The following MTR variants were observed in gnomAD, a reference collection of about 807,000 sequenced individuals.
The protein encoded by MTR is methionine synthase.
Under a neutral mutation model 154.8 loss-of-function variants are expected in MTR, and 84 were observed. The observed-to-expected ratio is 0.54, with a 90% CI of 0.45 to 0.65. The LOEUF (loss-of-function observed/expected upper bound fraction) is 0.65, where lower values mean the gene tolerates loss of function less well. Ranked by LOEUF, MTR falls within the 30% of genes least tolerant of loss-of-function variation. The pLI is 0.00. For synonymous variants in MTR, 554 were observed against 553.9 expected, an observed-to-expected ratio of 1.00 and a Z score of 0.00; for missense variants, 1,275 against 1,570.2, an observed-to-expected ratio of 0.81 and a Z score of 3.18.
At chr1:236,882,446 A>G (rs1314205640) in intron 25 of MTR, among the ~76,000 whole-genome samples, 1 of 149,078 alleles carries the variant, frequency 6.7e-6, no homozygotes, top group Non-Finnish European at 1.5e-5. Flanking sequence ...GCTGAGGTGC[A>G]GTGGCTCGAT....
chr1:236,875,290 T>C (rs908051807), intron 24 of MTR, among the ~76,000 whole-genome samples: 1 of 152,154 alleles, frequency 6.6e-6, no homozygotes, highest in Admixed American at 6.5e-5. Flanking sequence ...CTTGTAGTAG[T>C]TTGGAGACAG....
chr1:236,819,893 C>T (rs916177305), intron 8 of MTR: 25 of 892,592 alleles, frequency 2.8e-5, no homozygotes, highest in Admixed American at 3.4e-5. Flanking sequence ...GCCAGAGGGC[C>T]GTGCTGAAGT....
intron 8 of MTR, among the ~76,000 whole-genome samples, chr1:236,823,796 CTTTTTTTTTTTTTTTTTTTTTTTT>C (rs59710180): frequency 6.5e-4 from 12 of 18,438 alleles, no homozygotes; most frequent in Admixed American, 6.8e-4. Context: ...CAGGTCAGAT[CTTTTTTTTTTTTTTTTTTTTTTTT>C]TTTTTTTTTA....
chr1:236,897,176 T>C, intron 32 of MTR, 58 bp downstream of exon 32: 1 of 1,254,684 alleles, frequency 8.0e-7, no homozygotes, highest in Non-Finnish European at 1.2e-6. Flanking sequence ...TTCTAGAACC[T>C]CTCTCATTTT....
intron 24 of MTR, among the ~76,000 whole-genome samples, chr1:236,875,741 GA>G (rs1665395738): frequency 2.0e-5 from 3 of 152,172 alleles, no homozygotes; most frequent in Non-Finnish European, 4.4e-5. Context: ...GTATGCAAAA[GA>G]AAAGTGTTCC....
chr1:236,825,961 A>G lies in MTR; in HGVS notation c.927+562A>G, dbSNP rs546099559. On this transcript the variant is annotated intron_variant, in intron 10 of 32. Transcript: ENST00000366577. Reference sequence around the variant, plus strand: ...CTGACTTACTTCTTATGATTTCATTATCTTTGTAGACAATCTTTCCAATAC... The same window carrying G: ...CTGACTTACTTCTTATGATTTCATTGTCTTTGTAGACAATCTTTCCAATAC... Among the ~76,000 whole-genome samples, 94 of 152,202 alleles carry G rather than the reference A, an allele frequency of 6.2e-4. No homozygotes were observed. In the East Asian group the frequency reaches 6.2e-3, roughly 10 times the overall value.
At chr1:236,881,170 T>C (rs879616272) in intron 25 of MTR, among the ~76,000 whole-genome samples, 3 of 152,168 alleles carry the variant, frequency 2.0e-5, no homozygotes, top group Non-Finnish European at 1.5e-5. Context: ...AAAAGGAATG[T>C]TGGATTTTTA....
At chr1:236,856,996 G>T (rs1359114765) in intron 18 of MTR, among the ~76,000 whole-genome samples, 1 of 152,158 alleles carries the variant, frequency 6.6e-6, no homozygotes, top group Non-Finnish European at 1.5e-5. Context: ...AAACATACGT[G>T]TATGTATCTT....
intron 15 of MTR, among the ~76,000 whole-genome samples, chr1:236,847,089 G>A (rs1053639886): frequency 6.6e-6 from 1 of 152,028 alleles, no homozygotes; most frequent in African/African-American, 2.4e-5. Flanking sequence ...TTTTCACCAT[G>A]TTGGCCAGGC....
chr1:236,877,894 G>A (rs918110335), intron 24 of MTR, among the ~76,000 whole-genome samples: 3 of 152,198 alleles, frequency 2.0e-5, no homozygotes, highest in African/African-American at 7.2e-5. Flanking sequence ...GGTATCCCTT[G>A]TCATGGGTGT....
At position 236,835,659 on chromosome 1, in the gene MTR, T is replaced by C; in HGVS notation, c.1301T>C (p.Leu434Ser). The change falls in exon 14 of 33, where the codon TTA becomes TCA. Residue 434 changes from leucine to serine, a missense_variant. Coordinates refer to ENST00000366577, the MANE Select transcript of MTR (RefSeq NM_000254.3). ...AGTGCAATGACCAGATTTTGCAACT[T>C]AATTGCTTCCGAGCCAGACATCGCA... Reference protein sequence around the residue: ...GPSAMTRFCNLIASEPDIAKV... With the variant: ...GPSAMTRFCNSIASEPDIAKV... The C allele has an allele frequency of 1.9e-6, 3 of 1,612,118 alleles. No homozygotes were observed. Among genetic ancestry groups the C allele is most frequent in the Non-Finnish European group, 2.5e-6 (3 of 1,179,678 alleles).
rs1666881380 is a variant in MTR at position 236,900,673 on chromosome 1, C to G, written c.*3029C>G. Reference sequence around the variant, plus strand: ...GCAAAGTGGAATGATAACCTAAAATCTGGTATGGTGATTTTGTAGGTAATG... The same window carrying G: ...GCAAAGTGGAATGATAACCTAAAATGTGGTATGGTGATTTTGTAGGTAATG... On this transcript the variant is annotated 3_prime_UTR_variant, in exon 33 of 33. Coordinates refer to ENST00000366577, the MANE Select transcript of MTR (RefSeq NM_000254.3). The G allele has an allele frequency of 6.6e-6, 1 of 152,104 alleles. No homozygotes were observed. 9.4% of individuals were successfully genotyped at this position (152,104 alleles called of 1,614,324 possible). A position where few individuals can be genotyped will look rare whatever the true frequency, so the allele number is the denominator to read the frequency against.
Position 236,795,650 on chromosome 1 carries a change from T to G in MTR, c.-54T>G. 1 of 1,612,282 alleles carries G rather than the reference T, an allele frequency of 6.2e-7. No individual in the cohort carries two copies. The highest frequency in any genetic ancestry group is 1.1e-5 in the South Asian group (1 of 91,056). ...CGTGGCCCTTGGCCGTCGTCACCTG[T>G]GGAGAGCACGTCTTCTCTGCCGCGC... On this transcript the variant is annotated 5_prime_UTR_variant, in exon 1 of 33. Coordinates refer to ENST00000366577, the MANE Select transcript of MTR (RefSeq NM_000254.3).
chr1:236,816,348 A>C (rs909621132), intron 7 of MTR, 101 bp from the exon 8 acceptor site: 1 of 1,024,572 alleles, frequency 9.8e-7, no homozygotes, highest in African/African-American at 1.6e-5. Flanking sequence ...TTTTCCTTGT[A>C]AAAGAGCAAA....
intron 1 of MTR, 26 bp downstream of exon 1, chr1:236,795,763 G>T (rs1281796756): frequency 6.2e-7 from 1 of 1,613,954 alleles, no homozygotes; most frequent in Non-Finnish European, 8.5e-7. Flanking sequence ...CGTCTGCGTG[G>T]TTGGGTTGTG....
intron 30 of MTR, 180 bp downstream of exon 30, chr1:236,894,737 C>T (rs1227322556): frequency 9.3e-6 from 6 of 645,134 alleles, no homozygotes; most frequent in Non-Finnish European, 1.6e-5. Context: ...CCCCAGATTG[C>T]TTGTGTACAT....
rs142648132 is a variant in MTR, at chr1:236,816,521, G to T, written c.742G>T (p.Val248Leu). ...GQTGEGFVIS[V>L]SHGEPLCIGL... ...GACAGGAGAGGGATTTGTCATCAGCGTGTCTCATGGAGAACCACTCTGGTG... is the reference window on the plus strand; with the variant it reads ...GACAGGAGAGGGATTTGTCATCAGCTTGTCTCATGGAGAACCACTCTGGTG... Residue 248 changes from valine to leucine, a missense_variant, in exon 8 of 33, where the codon GTG becomes TTG. Val to Leu is a conservative substitution (Grantham distance 32, BLOSUM62 1). Coordinates refer to ENST00000366577, the MANE Select transcript of MTR (RefSeq NM_000254.3). 6 of 1,613,942 alleles carry T rather than the reference G, an allele frequency of 3.7e-6. No homozygotes were observed. In the African/African-American group the frequency reaches 5.3e-5, roughly 14 times the overall value.
intron 6 of MTR, 145 bp downstream of exon 6, chr1:236,812,989 T>C (rs1661389612): frequency 1.4e-6 from 1 of 723,258 alleles, no homozygotes; most frequent in Non-Finnish European, 2.4e-6. Flanking sequence ...TATTTTTAAC[T>C]GAGGCCAGTA....
intron 15 of MTR, among the ~76,000 whole-genome samples, chr1:236,843,949 G>A (rs1374849425): frequency 6.6e-6 from 1 of 152,176 alleles, no homozygotes; most frequent in Non-Finnish European, 1.5e-5. Flanking sequence ...TTGAAGATAG[G>A]ATTCCTTTTT....
Sources: allele counts gnomAD v4.1 joint callset (sites outside exome capture counted in the v4.1 genomes callset), GRCh38; gene constraint gnomAD v4.1.1; transcripts MANE v1.5; gene names NCBI Gene and HGNC (gene_info 2026-07-23, HGNC 2026-07-21).